Variants in SETBP1 observed in about 807,000 individuals in gnomAD.
The protein encoded by SETBP1 is SET-binding protein.
A neutral mutation model predicts 101.0 loss-of-function variants in SETBP1; 9 were observed. The ratio of observed to expected loss-of-function variants is 0.09; its 90% CI spans 0.05 to 0.16. The LOEUF is 0.16. SETBP1 is among the 10% of genes least tolerant of loss of function. The pLI is 1.00. For synonymous variants in SETBP1, 818 were observed against 788.5 expected, an observed-to-expected ratio of 1.04 and a Z score of -0.63; for missense variants, 1,858 against 2,033.8, an observed-to-expected ratio of 0.91 and a Z score of 1.66.
intron 4 of SETBP1, among the ~76,000 whole-genome samples, chr18:45,008,231 A>G (rs938317437): frequency 6.6e-6 from 1 of 151,990 alleles, no homozygotes; most frequent in Non-Finnish European, 1.5e-5. Flanking sequence ...CATCAATCTC[A>G]TGGGAATTGA....
chr18:44,935,098 G>A (rs2145013334), intron 3 of SETBP1, among the ~76,000 whole-genome samples: 1 of 105,432 alleles, frequency 9.5e-6, no homozygotes, highest in South Asian at 2.9e-4. Flanking sequence ...CCACCCACAA[G>A]GCCAGTCATC....
intron 3 of SETBP1, among the ~76,000 whole-genome samples, chr18:44,913,418 A>T (rs1273151516): frequency 2.6e-5 from 4 of 152,164 alleles, no homozygotes; most frequent in African/African-American, 9.7e-5. Context: ...TTCAAGTGTA[A>T]ACTCTCTGGT....
intron 2 of SETBP1, among the ~76,000 whole-genome samples, chr18:44,738,547 G>A (rs372493082): frequency 1.1e-4 from 17 of 152,278 alleles, no homozygotes; most frequent in African/African-American, 3.4e-4. Flanking sequence ...GCCGAGGCAG[G>A]CAGATCACCT....
At chr18:44,686,797 T>TA (rs1197514847) in intron 1 of SETBP1, among the ~76,000 whole-genome samples, 1 of 152,202 alleles carries the variant, frequency 6.6e-6, no homozygotes, top group Non-Finnish European at 1.5e-5. Flanking sequence ...TGGCTACCTT[T>TA]CGGGGGTAAT....
chr18:44,828,120 A>G (rs2072274342), intron 2 of SETBP1, among the ~76,000 whole-genome samples: 2 of 152,184 alleles, frequency 1.3e-5, no homozygotes, highest in African/African-American at 2.4e-5. Flanking sequence ...TAATATTGCC[A>G]TTGTTCAAAC....
At chr18:45,025,564 C>T (rs1046463839) in intron 4 of SETBP1, among the ~76,000 whole-genome samples, 1 of 152,078 alleles carries the variant, frequency 6.6e-6, no homozygotes, top group African/African-American at 2.4e-5. Flanking sequence ...TCTGTATCTA[C>T]ATGTGCATGC....
intron 2 of SETBP1, among the ~76,000 whole-genome samples, chr18:44,765,553 G>A (rs765572162): frequency 7.2e-5 from 11 of 152,118 alleles, no homozygotes; most frequent in Admixed American, 1.3e-4. Flanking sequence ...TCCAGGCTAC[G>A]GAATAATTAT....
intron 2 of SETBP1, among the ~76,000 whole-genome samples, chr18:44,848,760 A>G (rs868866361): frequency 9.7e-4 from 148 of 152,326 alleles, no homozygotes; most frequent in Middle Eastern, 3.4e-3. Flanking sequence ...AAGCCTCCCG[A>G]TGATTCCGGC....
intron 3 of SETBP1, among the ~76,000 whole-genome samples, chr18:44,910,965 G>C (rs1387516907): frequency 2.6e-5 from 4 of 152,090 alleles, no homozygotes; most frequent in Non-Finnish European, 5.9e-5. Context: ...GGAAATTGTG[G>C]GTATCAATAT....
chr18:44,681,578 C>G (rs1441845092), intron 1 of SETBP1, among the ~76,000 whole-genome samples: 1 of 140,722 alleles, frequency 7.1e-6, no homozygotes, highest in Non-Finnish European at 1.5e-5. Flanking sequence ...ATCCAGACCG[C>G]TTACTACAAG....
At chr18:44,920,744 G>C (rs528690305) in intron 3 of SETBP1, among the ~76,000 whole-genome samples, 1 of 152,122 alleles carries the variant, frequency 6.6e-6, no homozygotes, top group African/African-American at 2.4e-5. Flanking sequence ...AAGAACAACA[G>C]CTACTTACTG....
chr18:45,055,069 C>A (rs1309972813), intron 5 of SETBP1, among the ~76,000 whole-genome samples: 1 of 152,166 alleles, frequency 6.6e-6, no homozygotes, highest in African/African-American at 2.4e-5. Flanking sequence ...AAATATTAAT[C>A]AAACATCTAC....
intron 2 of SETBP1, among the ~76,000 whole-genome samples, chr18:44,798,703 G>A (rs1159631196): frequency 6.6e-6 from 1 of 152,182 alleles, no homozygotes; most frequent in Non-Finnish European, 1.5e-5. Context: ...TTTTTAATTT[G>A]TGGGGAGCTG....
intron 2 of SETBP1, among the ~76,000 whole-genome samples, chr18:44,834,685 T>C (rs2072457462): frequency 6.6e-6 from 1 of 152,232 alleles, no homozygotes; most frequent in African/African-American, 2.4e-5. Flanking sequence ...TGTCAGGAGA[T>C]GTGGCAAGGA....
chr18:44,950,427 G>A lies in SETBP1; in HGVS notation c.1087G>A (p.Asp363Asn). 6.2e-7 allele frequency: 1 copy of A among 1,614,154 alleles called. No individual in the cohort carries two copies. The change falls in exon 4 of 6, where the codon GAC becomes AAC. Residue 363 changes from aspartate (D) to asparagine (N), a missense_variant. Physicochemically the swap from Asp to Asn is conservative, Grantham distance 23. Transcript: ENST00000649279. ...DWVKNAQKAFDNTEGKREGYS... is the reference protein window; with the variant it reads ...DWVKNAQKAFNNTEGKREGYS... ...GGTCAAGAATGCCCAGAAAGCATTT[G>A]ACAATACAGAAGGGAAAAGGGAAGG...
chr18:44,928,773 G>T (rs2070759386), intron 3 of SETBP1, among the ~76,000 whole-genome samples: 2 of 152,130 alleles, frequency 1.3e-5, no homozygotes, highest in African/African-American at 2.4e-5. Context: ...TTTTTGATGG[G>T]ATTGTTTGAT....
At chr18:44,838,886 G>T (rs2072554151) in intron 2 of SETBP1, among the ~76,000 whole-genome samples, 2 of 152,072 alleles carry the variant, frequency 1.3e-5, no homozygotes, top group African/African-American at 4.8e-5. Context: ...GACAGTTGTT[G>T]TGGCATGCAG....
chr18:44,869,508 A>G (rs2069221247), intron 3 of SETBP1: 6 of 547,968 alleles, frequency 1.1e-5, no homozygotes, highest in South Asian at 1.9e-5. Context: ...CTAATATTCT[A>G]TAGGAGAAAA....
chr18:45,028,447 T>C (rs1216185170), intron 4 of SETBP1, among the ~76,000 whole-genome samples: 1 of 152,104 alleles, frequency 6.6e-6, no homozygotes, highest in East Asian at 1.9e-4. Flanking sequence ...TCTTTGCTGT[T>C]GTGAATAGTG....
Sources: gnomAD v4.1 joint callset for allele counts (sites outside exome capture counted in the v4.1 genomes callset) on GRCh38, gnomAD v4.1.1 for gene constraint, MANE v1.5 for transcripts, NCBI Gene and HGNC (gene_info 2026-07-23, HGNC 2026-07-21) for gene names.